The following NRXN1 variants were observed in gnomAD, a reference collection of about 807,000 sequenced individuals.
The protein encoded by NRXN1 is neurexin 1, also known as neurexin-1.
NRXN1 carries 39 observed loss-of-function variants against 150.9 expected under a neutral mutation model. The ratio of observed to expected loss-of-function variants is 0.26; its 90% CI spans 0.20 to 0.34. The LOEUF (loss-of-function observed/expected upper bound fraction) is 0.34. NRXN1 is among the 10% of genes least tolerant of loss of function. The probability of loss-of-function intolerance (pLI) is 1.00; values close to 1 mark genes in which losing one functional copy is unlikely to be tolerated. For synonymous variants in NRXN1, 924 were observed against 757.0 expected (o/e 1.22, Z -3.62); for missense variants, 1,815 against 1,949.9 (o/e 0.93, Z 1.30).
chr2:50,576,475 T>C (rs182099084), intron 8 of NRXN1, among the ~76,000 whole-genome samples: 2 of 152,284 alleles, frequency 1.3e-5, no homozygotes, highest in African/African-American at 4.8e-5. Context: ...TATTAAATCA[T>C]GTTTTTACTC....
chr2:50,575,143 G>A (rs1671220009), intron 8 of NRXN1, among the ~76,000 whole-genome samples: 1 of 152,176 alleles, frequency 6.6e-6, no homozygotes, highest in African/African-American at 2.4e-5. Flanking sequence ...TGGTGATTTG[G>A]AAGATAACAT....
chr2:50,467,796 T>A (rs1322658970), intron 16 of NRXN1, among the ~76,000 whole-genome samples: 1 of 151,488 alleles, frequency 6.6e-6, no homozygotes, highest in Non-Finnish European at 1.5e-5. Context: ...AACTTAGTTA[T>A]TTGTAATAAA....
At chr2:50,072,517 T>G (rs543248228) in intron 19 of NRXN1, among the ~76,000 whole-genome samples, 1 of 136,330 alleles carries the variant, frequency 7.3e-6, no homozygotes, top group Admixed American at 7.9e-5. Context: ...CCTTAGGAAC[T>G]GCCTAAGAAA....
rs192698195 is a variant in NRXN1 at position 50,087,989 on chromosome 2, G to C, written c.3718+3334C>G. 3.6e-4 allele frequency among the ~76,000 whole-genome samples: 55 copies of C among 152,244 alleles called. 1 individual carries two copies. Among genetic ancestry groups the C allele is most frequent in the Admixed American group, 3.1e-3 (47 of 15,292 alleles). ...CAATCCTTATTACCTATATTTTGCA[G>C]TACAGGCACTTTAAAGGAACCATAT... is the stretch of plus-strand genomic sequence containing the variant. On this transcript the variant is annotated intron_variant, in intron 19 of 22. Coordinates refer to ENST00000401669, the MANE Select transcript of NRXN1 (RefSeq NM_001330078.2).
At chr2:50,299,815 GCTAA>G (rs2073988219) in intron 17 of NRXN1, among the ~76,000 whole-genome samples, 1 of 152,066 alleles carries the variant, frequency 6.6e-6, no homozygotes. Flanking sequence ...ATTTCCTTAG[GCTAA>G]CAAACAGTCT....
intron 21 of NRXN1, among the ~76,000 whole-genome samples, chr2:49,971,261 T>C (rs1441962037): frequency 1.3e-5 from 2 of 152,248 alleles, no homozygotes; most frequent in East Asian, 1.9e-4. Flanking sequence ...TGCACCCAGA[T>C]GCTGTGGTAT....
At chr2:50,642,797 G>A (rs1192906535) in intron 5 of NRXN1, among the ~76,000 whole-genome samples, 3 of 151,848 alleles carry the variant, frequency 2.0e-5, no homozygotes, top group Admixed American at 6.6e-5. Context: ...GAGGAAATAG[G>A]GATGGGAATG....
chr2:50,548,276 T>A (rs973054127), intron 9 of NRXN1: 2 of 152,182 alleles, frequency 1.3e-5, no homozygotes, highest in African/African-American at 4.8e-5. Flanking sequence ...CCTGTTCTCA[T>A]AAAAACTTGT....
At chr2:50,165,233 C>G (rs1369121184) in intron 18 of NRXN1, among the ~76,000 whole-genome samples, 2 of 152,170 alleles carry the variant, frequency 1.3e-5, no homozygotes, top group Non-Finnish European at 2.9e-5. Flanking sequence ...ATTAACGGAT[C>G]CTCATGGAGG....
chr2:50,613,258 G>C (rs935865899), intron 8 of NRXN1, among the ~76,000 whole-genome samples: 10 of 152,112 alleles, frequency 6.6e-5, no homozygotes, highest in African/African-American at 2.4e-4. Flanking sequence ...CCAAGACCTT[G>C]CCTCTAGGAA....
rs1703575996 is a variant in NRXN1, at chr2:50,775,949, G to A, written c.832+145920C>T. Among the ~76,000 whole-genome samples, 3 of 152,056 alleles carry A rather than the reference G, an allele frequency of 2.0e-5. No individual in the cohort carries two copies. In the South Asian group the frequency reaches 6.2e-4, roughly 31 times the overall value. On this transcript the variant is annotated intron_variant, in intron 5 of 22. Transcript: ENST00000401669. ...TGGGTGTGGTGTGGTTGTTGGCTCT[G>A]TGATAAGAAAGCGTCACAGTCTCCG...
chr2:50,880,800 C>G (rs1411804934), intron 5 of NRXN1, among the ~76,000 whole-genome samples: 1 of 151,910 alleles, frequency 6.6e-6, no homozygotes, highest in South Asian at 2.1e-4. Flanking sequence ...CTGCAAATCA[C>G]TAAAGCAAGA....
intron 5 of NRXN1, among the ~76,000 whole-genome samples, chr2:50,660,145 T>C (rs1011796537): frequency 3.3e-5 from 5 of 152,050 alleles, no homozygotes; most frequent in African/African-American, 1.2e-4. Context: ...CCAGACATTA[T>C]AGTAAGCAAT....
At chr2:50,905,453 T>C (rs1328040813) in intron 5 of NRXN1, among the ~76,000 whole-genome samples, 1 of 152,100 alleles carries the variant, frequency 6.6e-6, no homozygotes, top group Non-Finnish European at 1.5e-5. Flanking sequence ...CCCAGTGACT[T>C]TCAAATTCAA....
intron 2 of NRXN1, among the ~76,000 whole-genome samples, chr2:50,986,395 C>A (rs1400650441): frequency 6.6e-6 from 1 of 151,622 alleles, no homozygotes; most frequent in African/African-American, 2.4e-5. Context: ...ATATCCACTG[C>A]AACATTATTT....
intron 17 of NRXN1, among the ~76,000 whole-genome samples, chr2:50,401,734 T>C (rs1390816606): frequency 1.3e-5 from 2 of 152,006 alleles, no homozygotes; most frequent in Non-Finnish European, 2.9e-5. Context: ...GAGCCTATGG[T>C]TGGAATTTTA....
chr2:50,507,420 A>G (rs2092282305), intron 12 of NRXN1, among the ~76,000 whole-genome samples: 1 of 152,156 alleles, frequency 6.6e-6, no homozygotes, highest in African/African-American at 2.4e-5. Context: ...ACTGTTGAGC[A>G]TGAAGGAAAA....
chr2:51,021,551 C>CATATAT (rs67059107), intron 2 of NRXN1, among the ~76,000 whole-genome samples: 2 of 150,226 alleles, frequency 1.3e-5, no homozygotes, highest in Non-Finnish European at 3.0e-5. Context: ...GACATGTATA[C>CATATAT]ATATATATAT....
intron 5 of NRXN1, among the ~76,000 whole-genome samples, chr2:50,783,778 A>C (rs1018102546): frequency 6.6e-6 from 1 of 152,094 alleles, no homozygotes; most frequent in African/African-American, 2.4e-5. Flanking sequence ...CTCATTCTGA[A>C]CCACTGGTCC....
Sources: allele counts gnomAD v4.1 joint callset (sites outside exome capture counted in the v4.1 genomes callset), GRCh38; gene constraint gnomAD v4.1.1; transcripts MANE v1.5; gene names NCBI Gene and HGNC (gene_info 2026-07-23, HGNC 2026-07-21).